EBF4: variants seen among roughly 807,000 people sequenced by gnomAD.
EBF4 encodes EBF transcription factor 4.
EBF4 carries 34 observed loss-of-function variants against 67.1 expected under a neutral mutation model. The ratio of observed to expected loss-of-function variants is 0.51; its 90% CI spans 0.39 to 0.67. EBF4 has a LOEUF of 0.67. Among genes scored for constraint, EBF4 ranks in the 30% least tolerant of loss-of-function variants. The pLI is 0.00. For missense variants in EBF4, 837 were observed against 873.3 expected, an observed-to-expected ratio of 0.96 and a Z score of 0.52; for synonymous variants, 387 against 377.7, an observed-to-expected ratio of 1.02 and a Z score of -0.29.
chr20:2,701,070 C>T (rs548289642), intron 1 of EBF4, among the ~76,000 whole-genome samples: 16 of 152,208 alleles, frequency 1.1e-4, no homozygotes, highest in African/African-American at 2.4e-4. Flanking sequence ...TTGGAAGGGG[C>T]GGGGGCCGTC....
intron 6 of EBF4, among the ~76,000 whole-genome samples, chr20:2,713,131 A>T (rs957929425): frequency 6.6e-6 from 1 of 152,186 alleles, no homozygotes; most frequent in Non-Finnish European, 1.5e-5. Context: ...GCTTGCTCAT[A>T]TGCTGACGAG....
rs1270337681 is a variant in EBF4 at position 2,693,905 on chromosome 20, G to GCTCCCCGGCC, written c.137+125_137+134dup. Reference sequence around the variant, plus strand: ...CCCTAACTCTGGACGGTCCCGGCGAGCTCCCCGGCCCACCCCGTCCGGAGT... The same window carrying GCTCCCCGGCC: ...CCCTAACTCTGGACGGTCCCGGCGAGCTCCCCGGCCCTCCCCGGCCCACCCCGTCCGGAGT... On this transcript the variant is annotated intron_variant, in intron 1 of 16. Coordinates refer to ENST00000609451, the Ensembl canonical transcript of EBF4. This position sits in a 1 kb window ranked among gnomAD's most constrained non-coding sequence, Gnocchi z 4.6. 57 of 1,200,322 alleles carry GCTCCCCGGCC rather than the reference G, an allele frequency of 4.7e-5. 1 individual carries two copies. The highest frequency in any genetic ancestry group is 5.7e-5 in the Non-Finnish European group (55 of 957,222). 74.4% of individuals were successfully genotyped at this position (1,200,322 alleles called of 1,614,324 possible).
intron 6 of EBF4, 38 bp from the exon 7 acceptor site, chr20:2,748,510 AC>A (rs759661060): frequency 6.1e-5 from 94 of 1,534,334 alleles, no homozygotes; most frequent in African/African-American, 1.2e-4. Context: ...TGTTTCCAGA[AC>A]CCCCAGACCC....
chr20:2,711,050 A>G (rs1226551084), intron 6 of EBF4, among the ~76,000 whole-genome samples: 2 of 151,990 alleles, frequency 1.3e-5, no homozygotes, highest in South Asian at 4.2e-4. Flanking sequence ...CAGGAGGCCG[A>G]GGTGGGAGGA....
chr20:2,726,766 G>A (rs558839154), intron 6 of EBF4, among the ~76,000 whole-genome samples: 1 of 152,084 alleles, frequency 6.6e-6, no homozygotes, highest in Middle Eastern at 3.4e-3. Context: ...ACTTCTTGGT[G>A]TCATTTTTTT....
rs896775056 is a variant in EBF4 at position 2,693,727 on chromosome 20, G to A, written c.82G>A (p.Val28Met). ...GCTGCTGCCCGCCGGCCTGGGCTCAGTGCGCTCCTGGATGCAGGGCGCGGG... is the reference window on the plus strand; with the variant it reads ...GCTGCTGCCCGCCGGCCTGGGCTCAATGCGCTCCTGGATGCAGGGCGCGGG... Residue 28 changes from valine (V) to methionine (M), a missense_variant, in exon 1 of 17, where the codon GTG (valine) becomes ATG (methionine). This residue lies in a region of EBF4 where 86 missense variants were observed against 70.3 expected (regional missense o/e 1.22). Transcript: ENST00000609451. This position sits in a 1 kb window ranked among gnomAD's most constrained non-coding sequence, Gnocchi z 4.6. The A allele has an allele frequency of 3.0e-5, 41 of 1,386,308 alleles. No homozygotes were observed. The highest frequency in any genetic ancestry group is 3.7e-5 in the Non-Finnish European group (40 of 1,076,718). The allele number at this position is 1,386,308 out of a possible 1,614,324, so 85.9% of individuals were successfully genotyped here. A position where few individuals can be genotyped will look rare whatever the true frequency, so the allele number is the denominator to read the frequency against.
rs2146508561 is a variant in EBF4, at chr20:2,752,563, G to A, written c.1540+18G>A. On this transcript the variant is annotated intron_variant, in intron 14 of 16. Transcript: ENST00000609451. ...CTTCGCCAGTGAGTGTCCCCCGCCC[G>A]CGAGGGAAGGTCTGGGGCCGGGGAG... 8.1e-7 allele frequency: 1 copy of A among 1,234,416 alleles called. No individual in the cohort carries two copies. The highest frequency in any genetic ancestry group is 1.0e-6 in the Non-Finnish European group (1 of 986,396). 76.5% of individuals were successfully genotyped at this position (1,234,416 alleles called of 1,614,324 possible).
chr20:2,752,135 C>T lies in EBF4; in HGVS notation c.1223C>T (p.Thr408Ile), dbSNP rs754597350. The change falls in exon 13 of 17, where the codon ACC becomes ATC. Residue 408 changes from threonine (T) to isoleucine (I), a missense_variant. Physicochemically the swap from Thr to Ile is moderately conservative, Grantham distance 89. Around this residue, in one of 3 missense-constraint regions of EBF4, gnomAD observed 525 missense variants for 496.5 expected, o/e 1.06. Transcript: ENST00000609451. ...GACGTGGCCGAGGCTCTGTACAGCA[C>T]CCCCCGCGCACCCGGGCCGCTCGCA... is the stretch of plus-strand genomic sequence containing the variant. 3.9e-5 allele frequency: 57 copies of T among 1,449,450 alleles called. 1 individual carries two copies. In the African/African-American group the frequency reaches 7.1e-4, roughly 18 times the overall value. 89.8% of individuals were successfully genotyped at this position (1,449,450 alleles called of 1,614,324 possible).
chr20:2,749,450 CCGA>C (rs2088103158), exon 8 of EBF4: 1 of 1,548,494 alleles, frequency 6.5e-7, no homozygotes, highest in Non-Finnish European at 8.7e-7. Flanking sequence ...CTGGCCGTGT[CCGA>C]CAACATGTTT....
intron 6 of EBF4, among the ~76,000 whole-genome samples, chr20:2,746,144 G>T (rs1022699564): frequency 6.6e-6 from 1 of 152,158 alleles, no homozygotes; most frequent in African/African-American, 2.4e-5. Flanking sequence ...GCACATGTGG[G>T]TGTAGTGTGT....
At chr20:2,697,061 T>G (rs1352000068) in intron 1 of EBF4, among the ~76,000 whole-genome samples, 3 of 152,222 alleles carry the variant, frequency 2.0e-5, no homozygotes, top group African/African-American at 7.2e-5. Flanking sequence ...CTCTTGACTT[T>G]GGAAGACTCC....
At chr20:2,742,743 C>T (rs1015477396) in intron 6 of EBF4, among the ~76,000 whole-genome samples, 2 of 152,144 alleles carry the variant, frequency 1.3e-5, no homozygotes, top group Non-Finnish European at 2.9e-5. Context: ...CTTTCCTAGA[C>T]TCCTTTTCAG....
intron 14 of EBF4, 109 bp downstream of exon 14, chr20:2,752,654 C>A: frequency 1.0e-6 from 1 of 989,640 alleles, no homozygotes; most frequent in South Asian, 5.0e-5. Flanking sequence ...CCGTGAGAGT[C>A]GACCCTGGCT....
In EBF4 at chr20:2,755,627, T is replaced by C; in HGVS notation, c.1541T>C (p.Ile514Thr). ...TGCCCCTCCCCGCCCCGCCCCGGAG[T>C]CATGCCCTCTAGCCCCCCGCTGGCG... The change falls in exon 15 of 17, where the codon ATC becomes ACC. Residue 514 changes from isoleucine to threonine, a missense_variant and splice_region_variant. Physicochemically the swap from Ile to Thr is moderately conservative, Grantham distance 89 (BLOSUM62 -1). This residue lies in a region of EBF4 where 525 missense variants were observed against 496.5 expected (regional missense o/e 1.06). Coordinates refer to ENST00000609451, the Ensembl canonical transcript of EBF4. This position sits in a 1 kb window ranked among gnomAD's most constrained non-coding sequence, Gnocchi z 4.7. 9.9e-7 allele frequency: 1 copy of C among 1,006,130 alleles called. No individual in the cohort carries two copies. Among genetic ancestry groups the C allele is most frequent in the Non-Finnish European group, 1.3e-6 (1 of 768,390 alleles). The allele number at this position is 1,006,130 out of a possible 1,614,324, so 62.3% of individuals were successfully genotyped here. A position where few individuals can be genotyped will look rare whatever the true frequency, so the allele number is the denominator to read the frequency against.
chr20:2,709,354 G>A (rs1455104589), intron 5 of EBF4, among the ~76,000 whole-genome samples: 1 of 152,084 alleles, frequency 6.6e-6, no homozygotes, highest in Non-Finnish European at 1.5e-5. Context: ...GGGGTCTCTG[G>A]CCAGCCTCAT....
At chr20:2,697,904 C>T (rs1180380819) in intron 1 of EBF4, among the ~76,000 whole-genome samples, 1 of 152,260 alleles carries the variant, frequency 6.6e-6, no homozygotes, top group Non-Finnish European at 1.5e-5. Flanking sequence ...CTGATCCCTG[C>T]ACACTAGCAG....
Position 2,693,615 on chromosome 20 carries a change from C to A in EBF4, c.-31C>A. 2 of 1,362,242 alleles carry A rather than the reference C, an allele frequency of 1.5e-6. No homozygotes were observed. The highest frequency in any genetic ancestry group is 1.7e-5 in the South Asian group (1 of 58,270). 84.4% of individuals were successfully genotyped at this position (1,362,242 alleles called of 1,614,324 possible). A position where few individuals can be genotyped will look rare whatever the true frequency, so the allele number is the denominator to read the frequency against. On this transcript the variant is annotated 5_prime_UTR_variant, in exon 1 of 17. Coordinates refer to ENST00000609451, the Ensembl canonical transcript of EBF4. The surrounding 1 kb of genome is among the most constrained non-coding windows in gnomAD (Gnocchi z 4.6). Reference sequence around the variant, plus strand: ...AGCCTCAGCGGGACCGGATCCGGGGCGGCGGGGGCGCTCACTCACCGCGCG... The same window carrying A: ...AGCCTCAGCGGGACCGGATCCGGGGAGGCGGGGGCGCTCACTCACCGCGCG...
intron 6 of EBF4, among the ~76,000 whole-genome samples, chr20:2,724,057 C>T (rs1429099948): frequency 6.6e-6 from 1 of 152,146 alleles, no homozygotes; most frequent in Non-Finnish European, 1.5e-5. Context: ...ACTAATATTA[C>T]AGTTTTTAGC....
chr20:2,744,075 A>AT (rs370848824), intron 6 of EBF4, among the ~76,000 whole-genome samples: 9 of 102,418 alleles, frequency 8.8e-5, no homozygotes, highest in Admixed American at 3.3e-4. Flanking sequence ...GTTTTTATTT[A>AT]TTTTTTTTAT....
Sources: gnomAD v4.1 joint callset for allele counts (sites outside exome capture counted in the v4.1 genomes callset) on GRCh38, gnomAD v4.1.1 for gene constraint, gnomAD v4.1.1 regional missense constraint, Gnocchi (gnomAD v3.1) non-coding constraint, MANE v1.5 for transcripts, NCBI Gene and HGNC (gene_info 2026-07-23, HGNC 2026-07-21) for gene names.